The following CLEC2L variants were observed in gnomAD, a reference collection of about 807,000 sequenced individuals.
The protein encoded by CLEC2L is C-type lectin domain family 2 member L.
Under a neutral mutation model 23.6 loss-of-function variants are expected in CLEC2L, and 14 were observed. The observed-to-expected ratio is 0.59, with a 90% CI of 0.39 to 0.93. The LOEUF is 0.93. Ranked by LOEUF, CLEC2L falls within the 40% of genes least tolerant of loss-of-function variation. The pLI, the probability that CLEC2L is intolerant of heterozygous loss-of-function variation, is 0.00. For missense variants in CLEC2L, 264 were observed against 282.4 expected (o/e 0.93, Z 0.47); for synonymous variants, 114 against 121.3 (o/e 0.94, Z 0.40).
chr7:139,540,200 C>T lies in CLEC2L; in HGVS notation c.266-121C>T. ...TTTACCTCCAGGCACCAGGAGAGGA[C>T]AGCCACATCTGCAGTGTCCCTGCAG... On this transcript the variant is annotated intron_variant, in intron 2 of 4. Transcript: ENST00000422142. The surrounding 1 kb of genome is among the most constrained non-coding windows in gnomAD (Gnocchi z 5.8). 1.1e-6 allele frequency: 1 copy of T among 948,694 alleles called. No homozygotes were observed. The highest frequency in any genetic ancestry group is 1.6e-6 in the Non-Finnish European group (1 of 639,262). 58.8% of individuals were successfully genotyped at this position (948,694 alleles called of 1,614,324 possible).
At chr7:139,534,652 C>T in intron 1 of CLEC2L, 1 of 598,990 alleles carries the variant, frequency 1.7e-6, no homozygotes, top group Non-Finnish European at 3.0e-6. Flanking sequence ...AATCCTGTTT[C>T]CACTTTGTTA....
intron 1 of CLEC2L, among the ~76,000 whole-genome samples, chr7:139,526,965 C>A (rs1041814881): frequency 3.9e-5 from 6 of 152,218 alleles, no homozygotes; most frequent in Non-Finnish European, 7.3e-5. Flanking sequence ...GGTTATGCTG[C>A]CCCTGCTTAG....
At chr7:139,542,671 G>A (rs73477444) in intron 4 of CLEC2L, among the ~76,000 whole-genome samples, 2,925 of 152,346 alleles carry the variant, frequency 0.019, 96 homozygotes, top group African/African-American at 0.067. Flanking sequence ...ACTGGCGAAC[G>A]CATCTCTTGA....
At chr7:139,528,186 C>A (rs1797531815) in intron 1 of CLEC2L, among the ~76,000 whole-genome samples, 1 of 152,178 alleles carries the variant, frequency 6.6e-6, no homozygotes, top group Non-Finnish European at 1.5e-5. Flanking sequence ...GTCTTAACCT[C>A]TGGTACCTCT....
At chr7:139,531,706 C>G (rs1442144037) in intron 1 of CLEC2L, among the ~76,000 whole-genome samples, 1 of 152,026 alleles carries the variant, frequency 6.6e-6, no homozygotes, top group Non-Finnish European at 1.5e-5. Flanking sequence ...GTCAGGAGTT[C>G]AAGACCATCC....
intron 1 of CLEC2L, among the ~76,000 whole-genome samples, chr7:139,530,383 G>T (rs1797564506): frequency 6.6e-6 from 1 of 152,192 alleles, no homozygotes. Flanking sequence ...CTAAGGCTCA[G>T]GGGTTGGTGG....
In CLEC2L at chr7:139,544,435, C is replaced by A; in HGVS notation, c.*93C>A. ...TGCTTCCAGCGGAGCCGCCTGCCCT[C>A]TGCAAGGCGAAGCGGTGGGTGCGTG... On this transcript the variant is annotated 3_prime_UTR_variant, in exon 5 of 5. Transcript: ENST00000422142. The A allele has an allele frequency of 1.1e-6, 1 of 912,860 alleles. No individual in the cohort carries two copies. Among genetic ancestry groups the A allele is most frequent in the Non-Finnish European group, 1.7e-6 (1 of 587,062 alleles). The allele number at this position is 912,860 out of a possible 1,614,324, so 56.5% of individuals were successfully genotyped here.
At chr7:139,534,108 A>C in intron 1 of CLEC2L, 1 of 612,096 alleles carries the variant, frequency 1.6e-6, no homozygotes, top group East Asian at 2.8e-5. Flanking sequence ...GGATGTGGAG[A>C]AACTGGAACC....
At chr7:139,526,546 G>C (rs930195248) in intron 1 of CLEC2L, among the ~76,000 whole-genome samples, 1 of 152,178 alleles carries the variant, frequency 6.6e-6, no homozygotes, top group South Asian at 2.1e-4. Context: ...TGGGCCCTGG[G>C]CACATTTATG....
chr7:139,532,732 C>T (rs73477428), intron 1 of CLEC2L, among the ~76,000 whole-genome samples: 1 of 152,084 alleles, frequency 6.6e-6, no homozygotes, highest in Admixed American at 6.5e-5. Flanking sequence ...CTTCCTCTCT[C>T]CGCTATGTGA....
chr7:139,540,311 T>G lies in CLEC2L; in HGVS notation c.266-10T>G. ...GGGCGGGCAGGGCCGAGCTGGTCTC[T>G]TCCCTGCAGCTTCCAAGGGCTGCAT... On this transcript the variant is annotated splice_polypyrimidine_tract_variant and intron_variant, in intron 2 of 4. Transcript: ENST00000422142. The surrounding 1 kb of genome is among the most constrained non-coding windows in gnomAD (Gnocchi z 5.8). The G allele has an allele frequency of 6.2e-7, 1 of 1,602,050 alleles. No homozygotes were observed. The highest frequency in any genetic ancestry group is 8.5e-7 in the Non-Finnish European group (1 of 1,174,736).
rs1797711365 is a variant in CLEC2L, at chr7:139,540,091, C to A, written c.266-230C>A. 2 of 525,972 alleles carry A rather than the reference C, an allele frequency of 3.8e-6. No individual in the cohort carries two copies. Among genetic ancestry groups the A allele is most frequent in the African/African-American group, 3.8e-5 (2 of 52,236 alleles). The allele number at this position is 525,972 out of a possible 1,614,324, so 32.6% of individuals were successfully genotyped here. ...GACAGAGGAGATCCTAACCCAGGGG[C>A]TGCCCTGCTGTCACTTCCCGTCGTG... On this transcript the variant is annotated intron_variant, in intron 2 of 4. Coordinates refer to ENST00000422142, the MANE Select transcript of CLEC2L (RefSeq NM_001080511.4). The surrounding 1 kb of genome is among the most constrained non-coding windows in gnomAD (Gnocchi z 5.8).
rs994040821 is a variant in CLEC2L at position 139,542,046 on chromosome 7, G to A, written c.458G>A (p.Arg153Lys). The A allele has an allele frequency of 1.2e-6, 2 of 1,613,034 alleles. No individual in the cohort carries two copies. Among genetic ancestry groups the A allele is most frequent in the Admixed American group, 1.7e-5 (1 of 59,874 alleles). The change falls in exon 4 of 5, where the codon AGG becomes AAG. Residue 153 changes from arginine (R) to lysine (K), a missense_variant. Coordinates refer to ENST00000422142, the MANE Select transcript of CLEC2L (RefSeq NM_001080511.4). ...ELEFMFKFTR[R>K]EPWIGLRRVG... ...GAATTTATGTTCAAGTTCACGCGGAGGGAGCCCTGGATTGGACTACGCAGA... is the reference window on the plus strand; with the variant it reads ...GAATTTATGTTCAAGTTCACGCGGAAGGAGCCCTGGATTGGACTACGCAGA...
chr7:139,530,257 A>T (rs1797562679), intron 1 of CLEC2L, among the ~76,000 whole-genome samples: 1 of 152,162 alleles, frequency 6.6e-6, no homozygotes, highest in Non-Finnish European at 1.5e-5. Flanking sequence ...AGAACAAGAG[A>T]GAAAATAGCA....
At chr7:139,527,689 G>C (rs992023255) in intron 1 of CLEC2L, among the ~76,000 whole-genome samples, 4 of 152,120 alleles carry the variant, frequency 2.6e-5, no homozygotes, top group Non-Finnish European at 4.4e-5. Flanking sequence ...AGAGTGGCCT[G>C]GGGGTATGGG....
At chr7:139,537,077 AGAC>A (rs1797670405) in intron 2 of CLEC2L, among the ~76,000 whole-genome samples, 2 of 151,702 alleles carry the variant, frequency 1.3e-5, no homozygotes, top group Non-Finnish European at 2.9e-5. Context: ...AAAAAAAAAA[AGAC>A]GAATATGACA....
chr7:139,538,143 G>A (rs1246601629), intron 2 of CLEC2L, among the ~76,000 whole-genome samples: 1 of 152,160 alleles, frequency 6.6e-6, no homozygotes, highest in Non-Finnish European at 1.5e-5. Context: ...TTTAGAAATG[G>A]ATATGGCAGC....
chr7:139,534,610 G>C (rs1400883315), intron 1 of CLEC2L: 2 of 682,192 alleles, frequency 2.9e-6, no homozygotes, highest in African/African-American at 1.8e-5. Context: ...AGGTGAGTAC[G>C]GTGTGCTGTA....
rs1267111844 is a variant in CLEC2L at position 139,542,132 on chromosome 7, G to T, written c.533+11G>T. On this transcript the variant is annotated intron_variant, in intron 4 of 4. Coordinates refer to ENST00000422142, the MANE Select transcript of CLEC2L (RefSeq NM_001080511.4). ...GTTTGATCCGGACACGTGAGCTGAG[G>T]CTTCATCTTCTGGCTACCGAGCTTA... 1 of 1,589,782 alleles carries T rather than the reference G, an allele frequency of 6.3e-7. No homozygotes were observed. Among genetic ancestry groups the T allele is most frequent in the Admixed American group, 1.7e-5 (1 of 57,542 alleles).
Sources: allele counts gnomAD v4.1 joint callset (sites outside exome capture counted in the v4.1 genomes callset), GRCh38; gene constraint gnomAD v4.1.1; non-coding constraint Gnocchi (gnomAD v3.1); transcripts MANE v1.5; gene names NCBI Gene and HGNC (gene_info 2026-07-23, HGNC 2026-07-21).